The following VPS54 variants were observed in gnomAD, a reference collection of about 807,000 sequenced individuals.
VPS54 encodes vacuolar protein sorting-associated protein 54.
In VPS54, 45 loss-of-function variants were observed where a neutral mutation model predicts 121.5. That is an observed-to-expected ratio of 0.37 (90% confidence interval 0.29 to 0.47). The LOEUF (loss-of-function observed/expected upper bound fraction) is 0.47, where lower values mean the gene tolerates loss of function less well. Among genes scored for constraint, VPS54 ranks in the 20% least tolerant of loss-of-function variants. The probability of loss-of-function intolerance (pLI) is 0.99; values close to 1 mark genes in which losing one functional copy is unlikely to be tolerated. For synonymous variants in VPS54, 371 were observed against 385.8 expected, an observed-to-expected ratio of 0.96 and a Z score of 0.45; for missense variants, 1,090 against 1,131.4, an observed-to-expected ratio of 0.96 and a Z score of 0.52.
intron 20 of VPS54, among the ~76,000 whole-genome samples, chr2:63,906,260 GTA>G (rs1391543069): frequency 1.3e-5 from 2 of 152,298 alleles, no homozygotes; most frequent in East Asian, 3.9e-4. Flanking sequence ...ACATGAGTGT[GTA>G]TGCAGAAAAA....
intron 2 of VPS54, among the ~76,000 whole-genome samples, chr2:63,982,349 A>C (rs1676837046): frequency 6.6e-6 from 1 of 152,202 alleles, no homozygotes; most frequent in Non-Finnish European, 1.5e-5. Context: ...GGTGACATAA[A>C]TGTTGCTGTG....
chr2:63,949,385 G>A (rs1675134779), intron 7 of VPS54, among the ~76,000 whole-genome samples: 1 of 152,044 alleles, frequency 6.6e-6, no homozygotes, highest in Non-Finnish European at 1.5e-5. Flanking sequence ...AACAACATGG[G>A]GGTTAGAGGC....
intron 1 of VPS54, among the ~76,000 whole-genome samples, chr2:63,989,734 T>C (rs1404052551): frequency 6.6e-6 from 1 of 152,146 alleles, no homozygotes; most frequent in Admixed American, 6.5e-5. Flanking sequence ...AAAATTATGC[T>C]TATCTCTTCT....
At chr2:64,018,892 G>T (rs554194381) in intron 1 of VPS54, 46 bp downstream of exon 1, 1 of 151,476 alleles carries the variant, frequency 6.6e-6, no homozygotes. Context: ...TGTAGGTCGG[G>T]GTGAGAGTGG....
chr2:63,932,128 C>G (rs1272055115), intron 12 of VPS54, among the ~76,000 whole-genome samples: 1 of 152,178 alleles, frequency 6.6e-6, no homozygotes, highest in Non-Finnish European at 1.5e-5. Flanking sequence ...ACTAGAAATA[C>G]CATTTGACCC....
intron 20 of VPS54, among the ~76,000 whole-genome samples, chr2:63,901,518 G>A (rs1672678474): frequency 6.6e-6 from 1 of 152,190 alleles, no homozygotes; most frequent in Admixed American, 6.5e-5. Context: ...GAAACAGGAG[G>A]ATCAAAGGGA....
chr2:64,018,447 T>C (rs1678814669), intron 1 of VPS54, among the ~76,000 whole-genome samples: 1 of 152,288 alleles, frequency 6.6e-6, no homozygotes, highest in Admixed American at 6.5e-5. Context: ...AAGAAAATTA[T>C]TGCACAAATT....
chr2:63,906,565 T>A (rs1368372112), intron 20 of VPS54, among the ~76,000 whole-genome samples: 1 of 152,188 alleles, frequency 6.6e-6, no homozygotes, highest in African/African-American at 2.4e-5. Flanking sequence ...TTTAATGGGC[T>A]CACTGGGGGA....
chr2:63,902,084 T>A (rs1487901528), intron 20 of VPS54, among the ~76,000 whole-genome samples: 1 of 152,090 alleles, frequency 6.6e-6, no homozygotes, highest in Non-Finnish European at 1.5e-5. Flanking sequence ...AAGCCCAGGA[T>A]CTTGCACCAG....
intron 3 of VPS54, among the ~76,000 whole-genome samples, chr2:63,974,719 T>C (rs978615178): frequency 6.6e-6 from 1 of 152,182 alleles, no homozygotes; most frequent in African/African-American, 2.4e-5. Flanking sequence ...GGTTTTTAAT[T>C]TCAAATTCCA....
rs1158062383 is a variant in VPS54, at chr2:63,913,323, G to T, written c.2335-13C>A. 6.3e-7 allele frequency: 1 copy of T among 1,595,030 alleles called. No individual in the cohort carries two copies. Among genetic ancestry groups the T allele is most frequent in the Admixed American group, 1.8e-5 (1 of 56,366 alleles). ...TTGAATTGAAGTACTAACAAAAGAA[G>T]GAGAAAAAAACCCCAAAATTTACTA... is the stretch of plus-strand genomic sequence containing the variant. On this transcript the variant is annotated splice_polypyrimidine_tract_variant and intron_variant, in intron 17 of 22. Transcript: ENST00000272322.
chr2:64,013,518 C>T (rs963963382), intron 1 of VPS54, among the ~76,000 whole-genome samples: 1 of 149,830 alleles, frequency 6.7e-6, no homozygotes, highest in Non-Finnish European at 1.5e-5. Flanking sequence ...ATAGAGTATA[C>T]ATCAAATAAT....
intron 1 of VPS54, among the ~76,000 whole-genome samples, chr2:64,005,392 C>G (rs950097219): frequency 2.0e-5 from 3 of 152,042 alleles, no homozygotes; most frequent in Admixed American, 2.0e-4. Flanking sequence ...CGTGAGCCAC[C>G]GCGCCCAGCC....
intron 20 of VPS54, among the ~76,000 whole-genome samples, chr2:63,910,802 A>G (rs1673117087): frequency 6.6e-6 from 1 of 152,152 alleles, no homozygotes; most frequent in South Asian, 2.1e-4. Context: ...TTATTCAAAA[A>G]CTCTGTGGAT....
chr2:64,012,660 A>T (rs2104707399), intron 1 of VPS54, among the ~76,000 whole-genome samples: 2 of 150,868 alleles, frequency 1.3e-5, no homozygotes, highest in Middle Eastern at 3.4e-3. Context: ...GTTATTCCCC[A>T]ATTCTATCTT....
At chr2:63,919,531 C>G (rs953149571) in intron 15 of VPS54, among the ~76,000 whole-genome samples, 1 of 151,996 alleles carries the variant, frequency 6.6e-6, no homozygotes, top group African/African-American at 2.4e-5. Context: ...AAGCTGGTTT[C>G]AAATCCCAAC....
intron 1 of VPS54, among the ~76,000 whole-genome samples, chr2:64,016,330 T>C (rs1191658902): frequency 6.6e-6 from 1 of 152,208 alleles, no homozygotes; most frequent in African/African-American, 2.4e-5. Flanking sequence ...CAGTTGCTTA[T>C]TCCCTAGCTC....
At chr2:63,996,993 A>G (rs1677628289) in intron 1 of VPS54, among the ~76,000 whole-genome samples, 1 of 152,128 alleles carries the variant, frequency 6.6e-6, no homozygotes. Flanking sequence ...CGGGGGCATC[A>G]CGGAACCTGC....
Position 63,912,562 on chromosome 2 carries a change from C to G in VPS54, c.2522G>C (p.Arg841Thr). 1.2e-6 allele frequency: 2 copies of G among 1,610,972 alleles called. No individual in the cohort carries two copies. Among genetic ancestry groups the G allele is most frequent in the Non-Finnish European group, 1.7e-6 (2 of 1,179,256 alleles). Reference sequence around the variant, plus strand: ...TACCTTAGTGATATGATCAAAATGCCTAAGCATGCTATATTGCTTAGGTGG... The same window carrying G: ...TACCTTAGTGATATGATCAAAATGCGTAAGCATGCTATATTGCTTAGGTGG... ...RLPPKQYSMLRHFDHITKDYH... is the reference protein window; with the variant it reads ...RLPPKQYSMLTHFDHITKDYH... Residue 841 changes from arginine (R) to threonine (T), a missense_variant, in exon 19 of 23, where the codon AGG becomes ACG. This residue lies in a region of VPS54 where 289 missense variants were observed against 374.4 expected (regional missense o/e 0.77). Transcript: ENST00000272322.
Sources: allele counts gnomAD v4.1 joint callset (sites outside exome capture counted in the v4.1 genomes callset), GRCh38; gene constraint gnomAD v4.1.1; regional missense constraint gnomAD v4.1.1; transcripts MANE v1.5; gene names NCBI Gene and HGNC (gene_info 2026-07-23, HGNC 2026-07-21).